SLC2A13: variants seen among roughly 807,000 people sequenced by gnomAD.
SLC2A13 encodes proton myo-inositol cotransporter.
Under a neutral mutation model 64.4 loss-of-function variants are expected in SLC2A13, and 32 were observed. That is an observed-to-expected ratio of 0.50 (90% confidence interval 0.37 to 0.67). The LOEUF is 0.67. SLC2A13 is among the 30% of genes least tolerant of loss of function. The probability of loss-of-function intolerance (pLI) is 0.00; values close to 1 mark genes in which losing one functional copy is unlikely to be tolerated. For missense variants in SLC2A13, 743 were observed against 829.2 expected, an observed-to-expected ratio of 0.90 and a Z score of 1.28; for synonymous variants, 338 against 327.1, an observed-to-expected ratio of 1.03 and a Z score of -0.36.
intron 4 of SLC2A13, among the ~76,000 whole-genome samples, chr12:39,879,503 A>G (rs944174463): frequency 6.6e-5 from 10 of 152,238 alleles, no homozygotes; most frequent in African/African-American, 2.4e-4. Flanking sequence ...CTGGATGTGG[A>G]ACATGCAGTC....
At chr12:39,997,037 C>A (rs1294860804) in intron 3 of SLC2A13, among the ~76,000 whole-genome samples, 8 of 152,036 alleles carry the variant, frequency 5.3e-5, no homozygotes, top group Non-Finnish European at 1.2e-4. Context: ...AAAAACAATT[C>A]TAAAATTCAT....
chr12:39,759,629 C>T lies in SLC2A13; in HGVS notation c.*397G>A, dbSNP rs1940063725. ...CACAGAACACCCTTGGACCATCTCC[C>T]AGAATCCTTTATAAATATATTATAC... On this transcript the variant is annotated 3_prime_UTR_variant, in exon 10 of 10. Coordinates refer to ENST00000280871, the MANE Select transcript of SLC2A13 (RefSeq NM_052885.4). The T allele has an allele frequency of 6.1e-6, 1 of 164,360 alleles. No individual in the cohort carries two copies. Among genetic ancestry groups the T allele is most frequent in the South Asian group, 1.7e-4 (1 of 5,856 alleles). 10.2% of individuals were successfully genotyped at this position (164,360 alleles called of 1,614,324 possible).
At chr12:39,988,314 AATC>A (rs1947064723) in intron 3 of SLC2A13, among the ~76,000 whole-genome samples, 1 of 152,066 alleles carries the variant, frequency 6.6e-6, no homozygotes, top group Non-Finnish European at 1.5e-5. Context: ...TCAATATTCT[AATC>A]ATCAACAACA....
At chr12:39,803,152 G>T (rs931014516) in intron 7 of SLC2A13, among the ~76,000 whole-genome samples, 1 of 150,264 alleles carries the variant, frequency 6.7e-6, no homozygotes, top group African/African-American at 2.5e-5. Flanking sequence ...CTTATTCTAG[G>T]GACCAGCCTA....
Position 39,864,742 on chromosome 12 carries a change from A to G in SLC2A13, c.1319+20T>C. The G allele has an allele frequency of 6.2e-7, 1 of 1,611,566 alleles. No individual in the cohort carries two copies. The highest frequency in any genetic ancestry group is 8.5e-7 in the Non-Finnish European group (1 of 1,179,044). The stretch of plus-strand genomic sequence containing the variant: ...GTTACCAGAGTCATGTAAAGGAAGA[A>G]GAACATAATGGAATCTCACCTGTAT... On this transcript the variant is annotated intron_variant, in intron 6 of 9. Coordinates refer to ENST00000280871, the MANE Select transcript of SLC2A13 (RefSeq NM_052885.4).
At chr12:39,874,571 C>A (rs1488968500) in intron 4 of SLC2A13, among the ~76,000 whole-genome samples, 3 of 143,138 alleles carry the variant, frequency 2.1e-5, no homozygotes, top group Admixed American at 1.4e-4. Context: ...GCCAAGATCA[C>A]ACCATTGCAC....
chr12:39,775,623 T>G (rs922083141), intron 7 of SLC2A13, among the ~76,000 whole-genome samples: 9 of 152,252 alleles, frequency 5.9e-5, no homozygotes, highest in Non-Finnish European at 1.3e-4. Flanking sequence ...CATGGCCTAC[T>G]TCATAAAGTC....
chr12:39,892,081 A>G (rs1376929946), intron 4 of SLC2A13, among the ~76,000 whole-genome samples: 1 of 152,176 alleles, frequency 6.6e-6, no homozygotes, highest in Non-Finnish European at 1.5e-5. Context: ...AAGTTTGCAA[A>G]TTACCAAAAA....
chr12:39,859,729 G>T (rs1943708387), intron 6 of SLC2A13, among the ~76,000 whole-genome samples: 1 of 152,042 alleles, frequency 6.6e-6, no homozygotes, highest in Non-Finnish European at 1.5e-5. Flanking sequence ...GTTTCACCAT[G>T]TTGGCCGGGC....
intron 4 of SLC2A13, among the ~76,000 whole-genome samples, chr12:39,930,378 A>T (rs1945804908): frequency 6.6e-6 from 1 of 152,124 alleles, no homozygotes; most frequent in Non-Finnish European, 1.5e-5. Context: ...TTCCATCATC[A>T]TCGTAATGAA....
chr12:40,042,062 C>A (rs984488987), intron 2 of SLC2A13, among the ~76,000 whole-genome samples: 7 of 152,170 alleles, frequency 4.6e-5, no homozygotes, highest in African/African-American at 1.4e-4. Flanking sequence ...CATGAGTCAG[C>A]CTCAGGATAC....
chr12:39,930,245 A>G (rs556467443), intron 4 of SLC2A13, among the ~76,000 whole-genome samples: 1 of 152,182 alleles, frequency 6.6e-6, no homozygotes, highest in South Asian at 2.1e-4. Flanking sequence ...GGCCAGGATC[A>G]TGGGTTGTAG....
intron 7 of SLC2A13, among the ~76,000 whole-genome samples, chr12:39,789,540 T>C (rs796098224): frequency 1.6e-4 from 24 of 152,222 alleles, no homozygotes; most frequent in African/African-American, 5.5e-4. Context: ...TGTGCAAGGG[T>C]TTCTCTAATA....
At position 39,971,983 on chromosome 12, in the gene SLC2A13, G is replaced by GGA. The variant is rs1946653695; in HGVS notation, c.926-20619_926-20618insTC. 5.2e-5 allele frequency among the ~76,000 whole-genome samples: 5 copies of GGA among 95,808 alleles called. No individual in the cohort carries two copies. The Admixed American group carries it at 7.0e-4, about 13-fold the overall frequency. The allele number at this position is 95,808 out of a possible 152,430, so 62.9% of individuals were successfully genotyped here. A position where few individuals can be genotyped will look rare whatever the true frequency, so the allele number is the denominator to read the frequency against. On this transcript the variant is annotated intron_variant, in intron 3 of 9. Coordinates refer to ENST00000280871, the MANE Select transcript of SLC2A13 (RefSeq NM_052885.4). ...AGGGGATGGAGCAAGAGTGTCTCCA[G>GGA]AAAAAAAAAAAAAAATATATATATA...
chr12:40,101,290 C>T (rs1369848030), intron 1 of SLC2A13, among the ~76,000 whole-genome samples: 1 of 152,084 alleles, frequency 6.6e-6, no homozygotes, highest in African/African-American at 2.4e-5. Flanking sequence ...AAAACAAATA[C>T]ACATATCCCT....
chr12:40,102,681 C>T (rs1351811353), intron 1 of SLC2A13, among the ~76,000 whole-genome samples: 2 of 152,258 alleles, frequency 1.3e-5, no homozygotes, highest in African/African-American at 4.8e-5. Context: ...TCCCTGACTA[C>T]ACATAAAATT....
intron 1 of SLC2A13, among the ~76,000 whole-genome samples, chr12:40,059,719 T>C (rs1045467502): frequency 2.0e-5 from 3 of 152,138 alleles, no homozygotes; most frequent in Non-Finnish European, 2.9e-5. Context: ...GATTGAAGCA[T>C]AGATAACCAT....
chr12:39,972,698 C>T (rs1946686113), intron 3 of SLC2A13, among the ~76,000 whole-genome samples: 1 of 152,122 alleles, frequency 6.6e-6, no homozygotes, highest in Non-Finnish European at 1.5e-5. Context: ...GAAAAATCAA[C>T]CTTTTAAAAA....
intron 6 of SLC2A13, among the ~76,000 whole-genome samples, chr12:39,863,632 T>C (rs761702280): frequency 6.6e-6 from 1 of 152,192 alleles, no homozygotes; most frequent in Non-Finnish European, 1.5e-5. Flanking sequence ...ATAAAGATGC[T>C]ATGGTTAACT....
Sources: allele counts gnomAD v4.1 joint callset (sites outside exome capture counted in the v4.1 genomes callset), GRCh38; gene constraint gnomAD v4.1.1; transcripts MANE v1.5; gene names NCBI Gene and HGNC (gene_info 2026-07-23, HGNC 2026-07-21).